AHNAK: variants seen among roughly 807,000 people sequenced by gnomAD.
AHNAK encodes the protein neuroblast differentiation-associated protein AHNAK.
AHNAK carries 23 observed loss-of-function variants against 37.8 expected under a neutral mutation model. The observed-to-expected ratio is 0.61, with a 90% CI of 0.44 to 0.86. AHNAK has a LOEUF of 0.86. Ranked by LOEUF, AHNAK falls within the 40% of genes least tolerant of loss-of-function variation. AHNAK has a pLI of 0.00. For synonymous variants in AHNAK, 2,481 were observed against 2,636.3 expected, an observed-to-expected ratio of 0.94 and a Z score of 1.80; for missense variants, 7,411 against 7,319.4, an observed-to-expected ratio of 1.01 and a Z score of -0.46.
At chr11:62,504,270 A>G (rs1939767689) in intron 4 of AHNAK, among the ~76,000 whole-genome samples, 1 of 152,188 alleles carries the variant, frequency 6.6e-6, no homozygotes, top group African/African-American at 2.4e-5. Context: ...TTGGAAAAAC[A>G]TGATGTTTAA....
Position 62,533,127 on chromosome 11 carries a change from A to T in AHNAK, c.1290T>A (p.Asn430Lys), listed in dbSNP as rs757038742. The T allele has an allele frequency of 1.3e-6, 2 of 1,566,252 alleles. No homozygotes were observed. The highest frequency in any genetic ancestry group is 4.5e-5 in the East Asian group (2 of 44,608). Residue 430 changes from asparagine to lysine, a missense_variant, in exon 5 of 5, where the codon AAT (asparagine) becomes AAA (lysine). Physicochemically the swap from Asn to Lys is moderately conservative, Grantham distance 94. Coordinates refer to ENST00000378024, the MANE Select transcript of AHNAK (RefSeq NM_001620.3). ...ACTTGGGGACTTTCATCTTGGGCAC[A>T]TTCAGTTTGCTCCCAGGCCCCTGAA... ...IDVQGPGSKL[N>K]VPKMKVPKFS...
chr11:62,542,993 T>C (rs1051880438), intron 1 of AHNAK, among the ~76,000 whole-genome samples: 3 of 152,134 alleles, frequency 2.0e-5, no homozygotes, highest in African/African-American at 4.8e-5. Flanking sequence ...TCCGGCTCTG[T>C]CGCTGAAGAG....
rs370164186 is a variant in AHNAK, at chr11:62,455,819, C to T, written c.443-21928G>A. ...GGCGGAGGTTGCAGTGAGCCAAGAT[C>T]GCACCATTGCACTCCAGCCTGGGTA... is the stretch of plus-strand genomic sequence containing the variant. On this transcript the variant is annotated intron_variant, in intron 5 of 5. Coordinates refer to the AHNAK transcript ENST00000257247. Among the ~76,000 whole-genome samples the T allele has an allele frequency of 3.7e-4, 56 of 151,486 alleles. 1 individual carries two copies. The South Asian group carries it at 7.5e-3, about 20-fold the overall frequency.
intron 4 of AHNAK, among the ~76,000 whole-genome samples, chr11:62,498,828 T>G (rs891464174): frequency 1.3e-5 from 2 of 152,122 alleles, no homozygotes; most frequent in African/African-American, 4.8e-5. Context: ...TTTGGAAATG[T>G]TGGCTCTAAA....
rs371826568 is a variant in AHNAK at position 62,524,848 on chromosome 11, A to G, written c.9569T>C (p.Val3190Ala). The G allele has an allele frequency of 1.9e-6, 3 of 1,613,982 alleles. No individual in the cohort carries two copies. Among genetic ancestry groups the G allele is most frequent in the African/African-American group, 1.3e-5 (1 of 74,898 alleles). The change falls in exon 5 of 5, where the codon GTT becomes GCT. Residue 3190 changes from valine to alanine, a missense_variant. Physicochemically the swap from Val to Ala is moderately conservative, Grantham distance 64. Coordinates refer to ENST00000378024, the MANE Select transcript of AHNAK (RefSeq NM_001620.3). ...TGGACCTTCAATATTCACATCTGGA[A>G]CATCAACGTCCACCTTGGGTCCTGA... is the stretch of plus-strand genomic sequence containing the variant. The part of the protein sequence containing the change: ...DVSGPKVDVD[V>A]PDVNIEGPDA...
chr11:62,511,548 G>T (rs975778693), downstream of AHNAK, among the ~76,000 whole-genome samples: 1 of 152,046 alleles, frequency 6.6e-6, no homozygotes, highest in African/African-American at 2.4e-5. Context: ...GAGCCACCGC[G>T]TCCGGCCCAG....
intron 2 of AHNAK, 134 bp from the exon 3 acceptor site, chr11:62,536,232 G>T: frequency 1.1e-6 from 1 of 931,992 alleles, no homozygotes; most frequent in Non-Finnish European, 1.5e-6. Flanking sequence ...CCCTGCAGCT[G>T]GCTCACCTGC....
Position 62,516,868 on chromosome 11 carries a change from C to T in AHNAK, c.17549G>A (p.Gly5850Glu). The T allele has an allele frequency of 6.2e-7, 1 of 1,614,168 alleles. No homozygotes were observed. Residue 5850 changes from glycine (G) to glutamate (E), a missense_variant, in exon 5 of 5, where the codon GGG (glycine) becomes GAG (glutamate). Physicochemically the swap from Gly to Glu is moderately conservative, Grantham distance 98 (BLOSUM62 -2). Coordinates refer to ENST00000378024, the MANE Select transcript of AHNAK (RefSeq NM_001620.3). ...CTTAGAGGCCAGGGACACCCCACTC[C>T]CCTGTAACTTGCCTGTCTCATCATC... ...GSDDETGKLQ[G>E]SGVSLASKKS... is the part of the protein sequence containing the mutation.
chr11:62,526,842 T>C lies in AHNAK; in HGVS notation c.7575A>G (p.Ala2525=). The change falls in exon 5 of 5, where the codon GCA becomes GCG. Residue 2525 remains alanine (A), a synonymous_variant. Coordinates refer to ENST00000378024, the MANE Select transcript of AHNAK (RefSeq NM_001620.3). The stretch of plus-strand genomic sequence containing the variant: ...AGTTGACGTCTACTTCAGGGCCCTC[T>C]GCTTTGAAGCCAGGCATGCTGAACT... The part of the protein sequence containing the change: ...MPKFSMPGFK[A]EGPEVDVNLP... 1 of 1,613,974 alleles carries C rather than the reference T, an allele frequency of 6.2e-7. No individual in the cohort carries two copies. The highest frequency in any genetic ancestry group is 8.5e-7 in the Non-Finnish European group (1 of 1,180,004).
At chr11:62,468,371 AAT>A (rs1372260592) in intron 5 of AHNAK, among the ~76,000 whole-genome samples, 74 of 149,584 alleles carry the variant, frequency 4.9e-4, no homozygotes, top group African/African-American at 1.7e-3. Context: ...AAAAAAAAAA[AAT>A]ATATATATAT....
At chr11:62,462,519 T>C (rs1938814807) in intron 5 of AHNAK, among the ~76,000 whole-genome samples, 1 of 152,170 alleles carries the variant, frequency 6.6e-6, no homozygotes, top group East Asian at 1.9e-4. Flanking sequence ...GCACAGGTGG[T>C]TTTAGCCACA....
chr11:62,474,116 A>G (rs1007659287), intron 5 of AHNAK, among the ~76,000 whole-genome samples: 1 of 152,054 alleles, frequency 6.6e-6, no homozygotes, highest in Admixed American at 6.6e-5. Flanking sequence ...TAATTTATAA[A>G]TAAAATAATT....
rs201133212 is a variant in AHNAK, at chr11:62,531,990, A to G, written c.2427T>C (p.Pro809=). The change falls in exon 5 of 5, where the codon CCT becomes CCC. Residue 809 remains proline (P), a synonymous_variant. Coordinates refer to ENST00000378024, the MANE Select transcript of AHNAK (RefSeq NM_001620.3). ...TCTTGGGGACTTTGATGTTCATCTC[A>G]GGCATCTTAAACTTGGGCCCTTTCA... The part of the protein sequence containing the change: ...GKLKGPKFKM[P]EMNIKVPKIS... The G allele has an allele frequency of 5.9e-4, 954 of 1,613,800 alleles. No individual in the cohort carries two copies. The highest frequency in any genetic ancestry group is 8.2e-4 in the Middle Eastern group (5 of 6,084).
intron 5 of AHNAK, among the ~76,000 whole-genome samples, chr11:62,456,580 T>G (rs920764087): frequency 6.6e-6 from 1 of 152,008 alleles, no homozygotes; most frequent in Non-Finnish European, 1.5e-5. Flanking sequence ...TGGTGGACAC[T>G]CCCTGGCCAG....
chr11:62,479,421 C>T (rs758479743), intron 5 of AHNAK, among the ~76,000 whole-genome samples: 2 of 151,754 alleles, frequency 1.3e-5, no homozygotes, highest in Non-Finnish European at 2.9e-5. Context: ...TCTACCTCAG[C>T]CTCCCAAAGT....
At chr11:62,493,316 T>TTTTCTTTC (rs1038629389) in intron 4 of AHNAK, among the ~76,000 whole-genome samples, 6 of 147,270 alleles carry the variant, frequency 4.1e-5, no homozygotes, top group Admixed American at 6.8e-5. Context: ...GCTCGGCCTG[T>TTTTCTTTC]TTTCTTTCTT....
At chr11:62,473,562 G>A (rs917015716) in intron 5 of AHNAK, among the ~76,000 whole-genome samples, 3 of 151,992 alleles carry the variant, frequency 2.0e-5, no homozygotes, top group South Asian at 2.1e-4. Flanking sequence ...GCAGGCGCCT[G>A]TAGTCCCAGT....
chr11:62,530,814 G>A lies in AHNAK; in HGVS notation c.3603C>T (p.Asp1201=), dbSNP rs1940714822. The A allele has an allele frequency of 1.2e-6, 2 of 1,613,354 alleles. No homozygotes were observed. Among genetic ancestry groups the A allele is most frequent in the Non-Finnish European group, 8.5e-7 (1 of 1,179,914 alleles). ...KTPKISMPDV[D]LHLKGPKVKG... ...TGACTTTGGGGCCTTTCAAGTGTAA[G>A]TCCACATCAGGCATGGAGATCTTGG... is the stretch of plus-strand genomic sequence containing the variant. The change falls in exon 5 of 5, where the codon GAC becomes GAT. Residue 1201 remains aspartate (D), a synonymous_variant. Transcript: ENST00000378024.
At position 62,527,964 on chromosome 11, in the gene AHNAK, C is replaced by A; in HGVS notation, c.6453G>T (p.Val2151=). ...GCTCAACATCAGGCACCTCCACATC[C>A]ACACTGGGGCCTGTTAAATCTCCCT... ...KLEGDLTGPS[V]DVEVPDVELE... Residue 2151 remains valine, a synonymous_variant, in exon 5 of 5, where the codon GTG becomes GTT. Coordinates refer to ENST00000378024, the MANE Select transcript of AHNAK (RefSeq NM_001620.3). 2.5e-6 allele frequency: 4 copies of A among 1,613,322 alleles called. No individual in the cohort carries two copies. The Middle Eastern group carries it at 6.6e-4, about 266-fold the overall frequency.
Sources: gnomAD v4.1 joint callset for allele counts (sites outside exome capture counted in the v4.1 genomes callset) on GRCh38, gnomAD v4.1.1 for gene constraint, MANE v1.5 for transcripts, NCBI Gene and HGNC (gene_info 2026-07-23, HGNC 2026-07-21) for gene names.